Variants in ERC1 observed in about 807,000 individuals in gnomAD.
The protein encoded by ERC1 is RAB6 interacting protein 2.
ERC1 carries 56 observed loss-of-function variants against 132.0 expected under a neutral mutation model. That is an observed-to-expected ratio of 0.42 (90% CI 0.34 to 0.53). The LOEUF (loss-of-function observed/expected upper bound fraction) is 0.53, where lower values mean the gene tolerates loss of function less well. Among genes scored for constraint, ERC1 ranks in the 20% least tolerant of loss-of-function variants. The pLI, the probability that ERC1 is intolerant of heterozygous loss-of-function variation, is 0.03. For synonymous variants in ERC1, 478 were observed against 476.1 expected (o/e 1.00, Z -0.05); for missense variants, 1,202 against 1,349.9 (o/e 0.89, Z 1.72).
intron 18 of ERC1, among the ~76,000 whole-genome samples, chr12:1,448,195 C>T (rs752150497): frequency 5.9e-5 from 9 of 152,240 alleles, no homozygotes; most frequent in Non-Finnish European, 1.3e-4. Flanking sequence ...ACACACATGA[C>T]TTCCGTTAAT....
chr12:1,304,204 C>G (rs1425032294), intron 15 of ERC1, among the ~76,000 whole-genome samples: 1 of 152,168 alleles, frequency 6.6e-6, no homozygotes, highest in Admixed American at 6.5e-5. Context: ...GTAAATACCA[C>G]TACAGTCAAG....
At chr12:1,394,238 A>G (rs1204266328) in intron 16 of ERC1, among the ~76,000 whole-genome samples, 2 of 150,550 alleles carry the variant, frequency 1.3e-5, no homozygotes. Context: ...ATCTCTACTA[A>G]AAATACAAAA....
chr12:1,314,811 A>G (rs773332149), intron 15 of ERC1, among the ~76,000 whole-genome samples: 7 of 152,166 alleles, frequency 4.6e-5, no homozygotes, highest in Non-Finnish European at 8.8e-5. Context: ...TTCTTTGTTC[A>G]TATCTTAATT....
At chr12:1,301,493 G>A (rs2080399524) in intron 15 of ERC1, among the ~76,000 whole-genome samples, 1 of 152,114 alleles carries the variant, frequency 6.6e-6, no homozygotes, top group South Asian at 2.1e-4. Context: ...CCATAAAAAC[G>A]AACAGGATCA....
At chr12:1,476,119 G>A (rs1314276573) in intron 18 of ERC1, among the ~76,000 whole-genome samples, 2 of 151,916 alleles carry the variant, frequency 1.3e-5, no homozygotes, top group Non-Finnish European at 2.9e-5. Context: ...TTAAAAATTA[G>A]CCTGGGGCCA....
chr12:1,291,244 G>T (rs2079429875), intron 15 of ERC1, among the ~76,000 whole-genome samples: 1 of 152,184 alleles, frequency 6.6e-6, no homozygotes, highest in Admixed American at 6.5e-5. Flanking sequence ...AAAGCATTAT[G>T]AGTGATATGT....
intron 8 of ERC1, among the ~76,000 whole-genome samples, chr12:1,149,866 G>A (rs1054755719): frequency 5.3e-5 from 8 of 152,076 alleles, no homozygotes; most frequent in Admixed American, 6.6e-5. Flanking sequence ...TCATTTGCCC[G>A]CTTTGTGAGG....
At chr12:1,233,470 CAAAAAAAAAAAA>C (rs60542316) in intron 12 of ERC1, among the ~76,000 whole-genome samples, 2 of 71,502 alleles carry the variant, frequency 2.8e-5, no homozygotes. Context: ...GACCCTGTCT[CAAAAAAAAAAAA>C]AAAAAAAAAA....
intron 2 of ERC1, among the ~76,000 whole-genome samples, chr12:1,072,523 GTC>G (rs1002294311): frequency 1.4e-4 from 21 of 152,186 alleles, no homozygotes; most frequent in African/African-American, 5.1e-4. Context: ...GTGCAAAAGA[GTC>G]TCAGACGCAT....
chr12:1,323,049 A>G (rs2082214847), intron 15 of ERC1, among the ~76,000 whole-genome samples: 2 of 152,132 alleles, frequency 1.3e-5, no homozygotes, highest in Non-Finnish European at 1.5e-5. Flanking sequence ...CCTCACTATG[A>G]TGGGAAAAAT....
At chr12:1,388,980 T>G (rs1234743289) in intron 16 of ERC1, among the ~76,000 whole-genome samples, 1 of 152,154 alleles carries the variant, frequency 6.6e-6, no homozygotes, top group Non-Finnish European at 1.5e-5. Flanking sequence ...TACTAAAAAT[T>G]TCCTCCTTTA....
chr12:1,128,827 A>C (rs571455852), intron 7 of ERC1, among the ~76,000 whole-genome samples: 1 of 152,238 alleles, frequency 6.6e-6, no homozygotes, highest in African/African-American at 2.4e-5. Flanking sequence ...CATGAAATAT[A>C]TAGTAACTAA....
intron 17 of ERC1, among the ~76,000 whole-genome samples, chr12:1,417,780 C>CAAA (rs59219151): frequency 2.4e-5 from 2 of 83,678 alleles, no homozygotes; most frequent in African/African-American, 3.4e-5. Flanking sequence ...GACTCCATCT[C>CAAA]AAAAAAAAAA....
chr12:992,489 TTA>T (rs760736379), intron 1 of ERC1, among the ~76,000 whole-genome samples: 1 of 152,260 alleles, frequency 6.6e-6, no homozygotes, highest in African/African-American at 2.4e-5. Context: ...TCATTTGCAG[TTA>T]TGTTTCTTGC....
At chr12:1,073,899 G>A (rs957670257) in intron 2 of ERC1, among the ~76,000 whole-genome samples, 1 of 107,800 alleles carries the variant, frequency 9.3e-6, no homozygotes, top group Non-Finnish European at 1.7e-5. Flanking sequence ...ACGGAGTCTT[G>A]CTGTGTCGCT....
intron 12 of ERC1, among the ~76,000 whole-genome samples, chr12:1,190,398 C>T (rs909345192): frequency 5.9e-5 from 9 of 152,162 alleles, no homozygotes; most frequent in African/African-American, 2.2e-4. Context: ...AAATGATCCT[C>T]AAGCAAAGGA....
In ERC1 at chr12:1,166,876, G is replaced by C. The variant is rs554318377; in HGVS notation, c.1738-13664G>C. On this transcript the variant is annotated intron_variant, in intron 8 of 18. Coordinates refer to ENST00000360905, the MANE Select transcript of ERC1 (RefSeq NM_178040.4). ...TAAATGCTTAATTTTCAAGTGCTAAGGTGTAATATAAATGGACATATGCAA... is the reference window on the plus strand; with the variant it reads ...TAAATGCTTAATTTTCAAGTGCTAACGTGTAATATAAATGGACATATGCAA... Among the ~76,000 whole-genome samples the C allele has an allele frequency of 6.4e-4, 97 of 152,230 alleles. 1 individual carries two copies. Among genetic ancestry groups the C allele is most frequent in the Non-Finnish European group, 1.0e-3 (69 of 68,006 alleles).
At chr12:1,239,691 G>A (rs910304240) in intron 13 of ERC1, among the ~76,000 whole-genome samples, 2 of 152,144 alleles carry the variant, frequency 1.3e-5, no homozygotes, top group Non-Finnish European at 2.9e-5. Context: ...ATACTCCAGC[G>A]TATGTGACAG....
chr12:1,256,590 A>ATCC, intron 13 of ERC1, among the ~76,000 whole-genome samples: 1 of 150,726 alleles, frequency 6.6e-6, no homozygotes. Context: ...CTTGGTGTTG[A>ATCC]ACTATTTATG....
Sources: gnomAD v4.1 joint callset for allele counts (sites outside exome capture counted in the v4.1 genomes callset) on GRCh38, gnomAD v4.1.1 for gene constraint, MANE v1.5 for transcripts, NCBI Gene and HGNC (gene_info 2026-07-23, HGNC 2026-07-21) for gene names.